The following SEL1L variants were observed in gnomAD, a reference collection of about 807,000 sequenced individuals.
The protein encoded by SEL1L is protein sel-1 homolog 1.
Under a neutral mutation model 109.8 loss-of-function variants are expected in SEL1L, and 52 were observed. That is an observed-to-expected ratio of 0.47 (90% CI 0.38 to 0.60). The LOEUF is 0.60. SEL1L is among the 20% of genes least tolerant of loss of function. SEL1L has a pLI of 0.00. For synonymous variants in SEL1L, 373 were observed against 339.6 expected (o/e 1.10, Z -1.08); for missense variants, 749 against 962.2 (o/e 0.78, Z 2.93).
At chr14:81,501,283 T>C (rs971422549) in intron 6 of SEL1L, among the ~76,000 whole-genome samples, 2 of 152,202 alleles carry the variant, frequency 1.3e-5, no homozygotes, top group Non-Finnish European at 2.9e-5. Context: ...GCGGGTTTTG[T>C]CTGTTGCATC....
In SEL1L at chr14:81,533,660, G is replaced by A. The variant is rs1330695864; in HGVS notation, c.70+15C>T. On this transcript the variant is annotated intron_variant, in intron 1 of 20. Coordinates refer to ENST00000336735, the MANE Select transcript of SEL1L (RefSeq NM_005065.6). ...GGAGGCTCTGGGCCTTCAGCCCGAG[G>A]GGGCGGATACTGACCCGAGGACGCC... 6.2e-7 allele frequency: 1 copy of A among 1,611,306 alleles called. No individual in the cohort carries two copies. Among genetic ancestry groups the A allele is most frequent in the Non-Finnish European group, 8.5e-7 (1 of 1,179,362 alleles).
At chr14:81,477,319 G>A in intron 20 of SEL1L, 138 bp from the exon 21 acceptor site, 2 of 635,098 alleles carry the variant, frequency 3.1e-6, no homozygotes, top group Non-Finnish European at 5.4e-6. Flanking sequence ...GTGTGTGTGT[G>A]TGTGTGTGTG....
Position 81,498,450 on chromosome 14 carries a change from T to G in SEL1L, c.936A>C (p.Glu312Asp). 1 of 1,614,056 alleles carries G rather than the reference T, an allele frequency of 6.2e-7. No individual in the cohort carries two copies. Residue 312 changes from glutamate to aspartate, a missense_variant, in exon 9 of 21, where the codon GAA (glutamate) becomes GAC (aspartate). Glu to Asp is a conservative substitution (Grantham distance 45). Transcript: ENST00000336735. Reference sequence around the variant, plus strand: ...CAAGACGATAGTGAGTCAGGGCAGATTCACAACTCTGGAGGACGCCGATGC... The same window carrying G: ...CAAGACGATAGTGAGTCAGGGCAGAGTCACAACTCTGGAGGACGCCGATGC... ...WAGIGVLQSC[E>D]SALTHYRLVA...
intron 3 of SEL1L, among the ~76,000 whole-genome samples, chr14:81,509,995 C>T (rs945673781): frequency 3.3e-5 from 5 of 152,136 alleles, no homozygotes; most frequent in Admixed American, 6.5e-5. Context: ...ATCGTCAACA[C>T]GGAAGGAATT....
At chr14:81,510,514 C>CTCTCTATATATATATATA (rs35474067) in intron 3 of SEL1L, among the ~76,000 whole-genome samples, 56 of 104,072 alleles carry the variant, frequency 5.4e-4, no homozygotes, top group Admixed American at 8.4e-4. Flanking sequence ...CTCTCTCTCT[C>CTCTCTATATATATATATA]TATATATATA....
At chr14:81,485,963 T>G (rs1049575208) in intron 17 of SEL1L, among the ~76,000 whole-genome samples, 24 of 152,340 alleles carry the variant, frequency 1.6e-4, no homozygotes, top group African/African-American at 5.8e-4. Flanking sequence ...ACATGTTGTA[T>G]CTATAGAACC....
chr14:81,497,457 A>G (rs2140009073), intron 10 of SEL1L, among the ~76,000 whole-genome samples: 1 of 152,370 alleles, frequency 6.6e-6, no homozygotes, highest in South Asian at 2.1e-4. Flanking sequence ...TTATGATTTT[A>G]GATGAGCCAA....
chr14:81,492,246 C>T (rs915618809), intron 12 of SEL1L, among the ~76,000 whole-genome samples: 1 of 152,168 alleles, frequency 6.6e-6, no homozygotes, highest in African/African-American at 2.4e-5. Flanking sequence ...CTGCCTCAGC[C>T]TCCCAAAGTG....
intron 3 of SEL1L, among the ~76,000 whole-genome samples, chr14:81,515,212 C>A (rs1884653223): frequency 6.6e-6 from 1 of 152,148 alleles, no homozygotes; most frequent in African/African-American, 2.4e-5. Flanking sequence ...GAATTTGGCC[C>A]AACCTGGGTA....
intron 3 of SEL1L, among the ~76,000 whole-genome samples, chr14:81,522,559 G>A (rs1002300887): frequency 1.3e-5 from 2 of 152,144 alleles, no homozygotes; most frequent in Non-Finnish European, 2.9e-5. Context: ...TATAGCCGAG[G>A]TATAGGCTAC....
intron 3 of SEL1L, among the ~76,000 whole-genome samples, chr14:81,522,984 CATGT>C (rs1365827497): frequency 6.6e-6 from 1 of 152,054 alleles, no homozygotes; most frequent in African/African-American, 2.4e-5. Context: ...AGAGGGCTGA[CATGT>C]ATGTAAGAAT....
intron 11 of SEL1L, among the ~76,000 whole-genome samples, chr14:81,493,686 C>T (rs1326276819): frequency 6.6e-6 from 1 of 152,180 alleles, no homozygotes; most frequent in African/African-American, 2.4e-5. Flanking sequence ...ATTCACTCTG[C>T]AATCTAGTCT....
At position 81,474,969 on chromosome 14, in the gene SEL1L, T is replaced by A. The variant is rs1903114391; in HGVS notation, c.*2003A>T. On this transcript the variant is annotated 3_prime_UTR_variant, in exon 21 of 21. Coordinates refer to ENST00000336735, the MANE Select transcript of SEL1L (RefSeq NM_005065.6). ...GGAAAGTTAGATATAAAAATCTTGC[T>A]AAAGGAAAAATGAGGGTGGATGGCA... is the stretch of plus-strand genomic sequence containing the variant. 6.6e-6 allele frequency: 1 copy of A among 152,190 alleles called. No homozygotes were observed. The highest frequency in any genetic ancestry group is 6.5e-5 in the Admixed American group (1 of 15,288). The allele number at this position is 152,190 out of a possible 1,614,324, so 9.4% of individuals were successfully genotyped here.
chr14:81,477,025 G>A lies in SEL1L; in HGVS notation c.2332C>T (p.Arg778Trp), dbSNP rs769333290. 2.9e-5 allele frequency: 47 copies of A among 1,614,072 alleles called. 1 individual carries two copies. Among genetic ancestry groups the A allele is most frequent in the South Asian group, 2.3e-4 (21 of 91,078 alleles). The change falls in exon 21 of 21, where the codon CGG (arginine) becomes TGG (tryptophan). Residue 778 changes from arginine to tryptophan, a missense_variant. Coordinates refer to ENST00000336735, the MANE Select transcript of SEL1L (RefSeq NM_005065.6). Reference protein sequence around the residue: ...DMPAPRPPGPRPAPPQQEGPP... With the variant: ...DMPAPRPPGPWPAPPQQEGPP... Reference sequence around the variant, plus strand: ...CCCTCCTGCTGGGGTGGAGCTGGCCGTGGCCCTGGAGGCCTGGGTGCAGGC... The same window carrying A: ...CCCTCCTGCTGGGGTGGAGCTGGCCATGGCCCTGGAGGCCTGGGTGCAGGC...
In SEL1L at chr14:81,492,461, T is replaced by C. The variant is rs1333431471; in HGVS notation, c.1254+19A>G. 5 of 1,583,398 alleles carry C rather than the reference T, an allele frequency of 3.2e-6. No individual in the cohort carries two copies. In the South Asian group the frequency reaches 3.4e-5, roughly 11 times the overall value. On this transcript the variant is annotated intron_variant, in intron 12 of 20. Coordinates refer to ENST00000336735, the MANE Select transcript of SEL1L (RefSeq NM_005065.6). ...ACACCTCTTGCTATTACATAAAACA[T>C]TCACAGGATGTACAGTACCTTTCCC...
intron 3 of SEL1L, among the ~76,000 whole-genome samples, chr14:81,523,189 A>G (rs1252413561): frequency 6.6e-6 from 1 of 152,204 alleles, no homozygotes; most frequent in African/African-American, 2.4e-5. Flanking sequence ...CAGGGAAACC[A>G]ACCATTAGAT....
intron 19 of SEL1L, among the ~76,000 whole-genome samples, chr14:81,483,792 A>T (rs1903433625): frequency 6.6e-6 from 1 of 152,366 alleles, no homozygotes; most frequent in Non-Finnish European, 1.5e-5. Flanking sequence ...TTTTGAGGGC[A>T]CACAGGAAAA....
chr14:81,490,320 TAACA>T (rs1458830881), intron 13 of SEL1L, 64 bp downstream of exon 13: 1 of 1,196,072 alleles, frequency 8.4e-7, no homozygotes, highest in African/African-American at 1.5e-5. Context: ...CCCTTTAATA[TAACA>T]AATTCATTTA....
intron 3 of SEL1L, among the ~76,000 whole-genome samples, chr14:81,526,041 C>T (rs936257774): frequency 1.3e-5 from 2 of 151,816 alleles, no homozygotes; most frequent in African/African-American, 4.8e-5. Flanking sequence ...TTAAAAAGTT[C>T]AAATTTGGAT....
Sources: gnomAD v4.1 joint callset for allele counts (sites outside exome capture counted in the v4.1 genomes callset) on GRCh38, gnomAD v4.1.1 for gene constraint, MANE v1.5 for transcripts, NCBI Gene and HGNC (gene_info 2026-07-23, HGNC 2026-07-21) for gene names.